MAGI2: variants seen among roughly 807,000 people sequenced by gnomAD.
The protein encoded by MAGI2 is membrane associated guanylate kinase, WW and PDZ domain containing 2, also known as membrane-associated guanylate kinase, WW and PDZ domain-containing protein 2.
MAGI2 carries 35 observed loss-of-function variants against 133.3 expected under a neutral mutation model. The observed-to-expected ratio is 0.26, with a 90% confidence interval of 0.20 to 0.35. The LOEUF (loss-of-function observed/expected upper bound fraction) is 0.35. Among genes scored for constraint, MAGI2 ranks in the 10% least tolerant of loss-of-function variants. The probability of loss-of-function intolerance (pLI) is 1.00; values close to 1 mark genes in which losing one functional copy is unlikely to be tolerated. For synonymous variants in MAGI2, 729 were observed against 710.6 expected (o/e 1.03, Z -0.41); for missense variants, 1,636 against 1,863.4 (o/e 0.88, Z 2.25).
At chr7:78,092,967 A>G (rs956359983) in intron 20 of MAGI2, among the ~76,000 whole-genome samples, 1 of 151,928 alleles carries the variant, frequency 6.6e-6, no homozygotes, top group Non-Finnish European at 1.5e-5. Context: ...CCCCGTCTCT[A>G]CTAAAGAAAT....
intron 2 of MAGI2, among the ~76,000 whole-genome samples, chr7:78,751,627 T>C (rs917023481): frequency 6.6e-6 from 1 of 152,212 alleles, no homozygotes; most frequent in Non-Finnish European, 1.5e-5. Flanking sequence ...AAGTAATATA[T>C]TTTAACAGCA....
intron 10 of MAGI2, among the ~76,000 whole-genome samples, chr7:78,208,433 T>C (rs73703753): frequency 7.9e-5 from 12 of 152,164 alleles, no homozygotes; most frequent in African/African-American, 2.4e-4. Flanking sequence ...TAAACAGGAA[T>C]AAAGGAATGG....
At chr7:78,456,654 G>A (rs1584221264) in intron 6 of MAGI2, among the ~76,000 whole-genome samples, 1 of 152,134 alleles carries the variant, frequency 6.6e-6, no homozygotes. Context: ...TATATCAACA[G>A]GAAGACATAC....
At chr7:78,359,433 A>C (rs1319396310) in intron 7 of MAGI2, 1 of 152,218 alleles carries the variant, frequency 6.6e-6, no homozygotes, top group African/African-American at 2.4e-5. Flanking sequence ...GACCAGAATG[A>C]AATAAATTAC....
intron 1 of MAGI2, among the ~76,000 whole-genome samples, chr7:79,135,666 G>A (rs936386235): frequency 1.3e-5 from 2 of 152,080 alleles, no homozygotes; most frequent in African/African-American, 2.4e-5. Flanking sequence ...GCAGGGCACT[G>A]TGGCCGACAG....
intron 6 of MAGI2, among the ~76,000 whole-genome samples, chr7:78,440,680 G>T (rs1787526632): frequency 6.6e-6 from 1 of 152,124 alleles, no homozygotes; most frequent in Non-Finnish European, 1.5e-5. Context: ...GGATGGGCGT[G>T]GTGGCTCATA....
chr7:79,188,651 G>A (rs554240680), intron 1 of MAGI2, among the ~76,000 whole-genome samples: 1 of 151,756 alleles, frequency 6.6e-6, no homozygotes, highest in African/African-American at 2.4e-5. Context: ...AATCACTGAG[G>A]TCACTTTCAA....
intron 2 of MAGI2, among the ~76,000 whole-genome samples, chr7:78,665,560 T>C (rs895831668): frequency 3.3e-5 from 5 of 152,186 alleles, no homozygotes; most frequent in Admixed American, 6.6e-5. Flanking sequence ...TCTGGACATA[T>C]ATTAGAAGGT....
chr7:78,523,178 A>G (rs755531894), intron 3 of MAGI2, among the ~76,000 whole-genome samples: 1 of 152,208 alleles, frequency 6.6e-6, no homozygotes, highest in Non-Finnish European at 1.5e-5. Flanking sequence ...ACTACAAGCA[A>G]GTTACTTAAC....
At chr7:78,726,604 C>T (rs1820833840) in intron 2 of MAGI2, among the ~76,000 whole-genome samples, 1 of 151,888 alleles carries the variant, frequency 6.6e-6, no homozygotes, top group South Asian at 2.1e-4. Flanking sequence ...GCATTATCAT[C>T]GTTGAAGTCA....
chr7:79,453,560 A>G lies in MAGI2; in HGVS notation c.-240T>C, dbSNP rs144169075. ...TGGATGAGGTTGTGCTGTCCCTTGA[A>G]TGACACTCAAGGCTGTGGCCCCGCA... On this transcript the variant is annotated 5_prime_UTR_variant, in exon 1 of 22. Transcript: ENST00000354212. 1.2e-4 allele frequency: 147 copies of G among 1,235,772 alleles called. No individual in the cohort carries two copies. The Middle Eastern group carries it at 3.6e-3, about 30-fold the overall frequency. The allele number at this position is 1,235,772 out of a possible 1,614,324, so 76.6% of individuals were successfully genotyped here.
At chr7:78,289,979 C>T (rs536252965) in intron 9 of MAGI2, among the ~76,000 whole-genome samples, 33 of 152,142 alleles carry the variant, frequency 2.2e-4, no homozygotes, top group East Asian at 9.7e-4. Context: ...AAGGAACAAC[C>T]GGTACCAGCC....
At chr7:78,141,556 CG>C (rs1183048863) in intron 16 of MAGI2, among the ~76,000 whole-genome samples, 4 of 152,058 alleles carry the variant, frequency 2.6e-5, no homozygotes, top group Non-Finnish European at 4.4e-5. Context: ...AAAAAACAGA[CG>C]GCATGACTTG....
intron 2 of MAGI2, among the ~76,000 whole-genome samples, chr7:78,912,094 C>A (rs776944030): frequency 6.6e-6 from 1 of 152,060 alleles, no homozygotes; most frequent in African/African-American, 2.4e-5. Flanking sequence ...TTCTTAAAAA[C>A]TTCCAATGAT....
intron 2 of MAGI2, among the ~76,000 whole-genome samples, chr7:78,921,268 A>T (rs994607581): frequency 4.6e-5 from 7 of 152,150 alleles, no homozygotes; most frequent in African/African-American, 1.7e-4. Flanking sequence ...GTTTATGCTT[A>T]GGTGCTATGA....
intron 6 of MAGI2, among the ~76,000 whole-genome samples, chr7:78,452,593 TTTAA>T (rs1206392758): frequency 6.6e-6 from 1 of 151,836 alleles, no homozygotes; most frequent in Non-Finnish European, 1.5e-5. Flanking sequence ...GTATGCAGTG[TTTAA>T]TTAATTTTTA....
At chr7:78,295,905 T>C (rs1308160605) in intron 9 of MAGI2, among the ~76,000 whole-genome samples, 2 of 152,156 alleles carry the variant, frequency 1.3e-5, no homozygotes, top group African/African-American at 2.4e-5. Flanking sequence ...ACAAAAACTT[T>C]ACAGCCGTCT....
At chr7:78,340,586 C>T (rs1286093080) in intron 9 of MAGI2, among the ~76,000 whole-genome samples, 3 of 152,184 alleles carry the variant, frequency 2.0e-5, no homozygotes, top group African/African-American at 4.8e-5. Flanking sequence ...AATCCAGCAG[C>T]ACATCAAAAA....
intron 2 of MAGI2, among the ~76,000 whole-genome samples, chr7:78,761,838 T>C (rs1053384934): frequency 7.9e-5 from 12 of 151,964 alleles, no homozygotes; most frequent in Non-Finnish European, 1.6e-4. Flanking sequence ...TGCTGGTCTA[T>C]AGGCCACATG....
Sources: gnomAD v4.1 joint callset for allele counts (sites outside exome capture counted in the v4.1 genomes callset) on GRCh38, gnomAD v4.1.1 for gene constraint, MANE v1.5 for transcripts, NCBI Gene and HGNC (gene_info 2026-07-23, HGNC 2026-07-21) for gene names.